The following NPC1 variants were observed in gnomAD, a reference collection of about 807,000 sequenced individuals.
NPC1 encodes NPC intracellular cholesterol transporter 1, also known as Niemann-Pick C1 protein.
In NPC1, 85 loss-of-function variants were observed where a neutral mutation model predicts 140.4. The ratio of observed to expected loss-of-function variants is 0.61; its 90% CI spans 0.51 to 0.72. NPC1 has a LOEUF of 0.72. Ranked by LOEUF, NPC1 falls within the 30% of genes least tolerant of loss-of-function variation. NPC1 has a pLI of 0.00. For missense variants in NPC1, 1,504 were observed against 1,623.8 expected, an observed-to-expected ratio of 0.93 and a Z score of 1.27; for synonymous variants, 656 against 624.8, an observed-to-expected ratio of 1.05 and a Z score of -0.74.
At chr18:23,583,357 G>C (rs1483251113) in intron 1 of NPC1, among the ~76,000 whole-genome samples, 1 of 152,088 alleles carries the variant, frequency 6.6e-6, no homozygotes, top group Non-Finnish European at 1.5e-5. Flanking sequence ...CCCACACCAA[G>C]GTCTTTTAAT....
At position 23,531,486 on chromosome 18, in the gene NPC1, G is replaced by A; in HGVS notation, c.*716C>T. ...GTATTTGTCTCTCAAAGCAGATAGG[G>A]TAACCCCAAAACTTAGGAAAACAAT... is the stretch of plus-strand genomic sequence containing the variant. On this transcript the variant is annotated 3_prime_UTR_variant, in exon 25 of 25. Transcript: ENST00000269228. 6.9e-7 allele frequency: 1 copy of A among 1,449,864 alleles called. No homozygotes were observed. The highest frequency in any genetic ancestry group is 9.0e-7 in the Non-Finnish European group (1 of 1,106,678). The allele number at this position is 1,449,864 out of a possible 1,614,324, so 89.8% of individuals were successfully genotyped here. A position where few individuals can be genotyped will look rare whatever the true frequency, so the allele number is the denominator to read the frequency against.
At chr18:23,543,676 C>G in intron 13 of NPC1, 107 bp from the exon 14 acceptor site, 2 of 707,968 alleles carry the variant, frequency 2.8e-6, no homozygotes, top group Non-Finnish European at 4.9e-6. Context: ...GATTAGTAGA[C>G]GATTAGCAGT....
chr18:23,570,235 A>G (rs999055977), intron 3 of NPC1, among the ~76,000 whole-genome samples: 4 of 152,264 alleles, frequency 2.6e-5, no homozygotes, highest in Non-Finnish European at 1.5e-5. Flanking sequence ...TGACAGCTGT[A>G]TATTTTTCCA....
chr18:23,519,867 A>T (rs1652340), downstream of NPC1, among the ~76,000 whole-genome samples: 2 of 151,872 alleles, frequency 1.3e-5, no homozygotes, highest in African/African-American at 4.8e-5. Flanking sequence ...GAAGCTGCTT[A>T]CCTCCTCTAC....
At chr18:23,529,147 G>A (rs375437445), downstream of NPC1, 120 of 1,600,296 alleles carry the variant, frequency 7.5e-5, 1 homozygote, top group Non-Finnish European at 8.7e-5. Flanking sequence ...CTAAGATGCC[G>A]AAGATCATAG....
chr18:23,578,628 C>T (rs1231842679), intron 1 of NPC1, among the ~76,000 whole-genome samples: 1 of 152,198 alleles, frequency 6.6e-6, no homozygotes, highest in East Asian at 1.9e-4. Flanking sequence ...CTCTCTCAGT[C>T]CCTTCACCTG....
downstream of NPC1, chr18:23,519,188 G>A (rs745865912): frequency 4.4e-6 from 7 of 1,606,864 alleles, no homozygotes; most frequent in Non-Finnish European, 6.0e-6. Flanking sequence ...CAAGCTGTCT[G>A]CGTTTCTACC....
intron 9 of NPC1, among the ~76,000 whole-genome samples, chr18:23,553,731 G>T (rs1220523004): frequency 6.6e-6 from 1 of 152,148 alleles, no homozygotes; most frequent in African/African-American, 2.4e-5. Context: ...TCCCCTACTG[G>T]GAGAAGCCTT....
downstream of NPC1, chr18:23,528,356 G>A (rs2058370068): frequency 6.4e-6 from 1 of 156,768 alleles, no homozygotes; most frequent in Non-Finnish European, 1.4e-5. Flanking sequence ...CACTTAGCAG[G>A]CGTGTTTGTA....
chr18:23,526,783 C>T (rs1442760779), downstream of NPC1: 6 of 1,612,264 alleles, frequency 3.7e-6, no homozygotes, highest in Non-Finnish European at 5.1e-6. Flanking sequence ...GAATCCTTCC[C>T]CCTTGCTCTG....
chr18:23,520,023 A>G (rs2058101495), downstream of NPC1, among the ~76,000 whole-genome samples: 1 of 152,226 alleles, frequency 6.6e-6, no homozygotes, highest in African/African-American at 2.4e-5. Context: ...GGAGATAAAA[A>G]TATTAAAAGA....
chr18:23,517,436 C>G (rs1176329323), downstream of NPC1, among the ~76,000 whole-genome samples: 8 of 152,216 alleles, frequency 5.3e-5, no homozygotes, highest in Admixed American at 5.2e-4. Flanking sequence ...GCGTGAGCCA[C>G]CACGCCTGGC....
chr18:23,531,359 G>A, downstream of NPC1: 2 of 466,354 alleles, frequency 4.3e-6, no homozygotes, highest in African/African-American at 3.9e-5. Context: ...GGAAGGATCA[G>A]GGCTGTCTAA....
At chr18:23,538,237 C>T (rs568742034) in intron 20 of NPC1, among the ~76,000 whole-genome samples, 1 of 152,304 alleles carries the variant, frequency 6.6e-6, no homozygotes, top group South Asian at 2.1e-4. Context: ...ACCAGCAGGC[C>T]GTCCTCTCCC....
At chr18:23,529,151 A>G (rs2058402653), downstream of NPC1, 1 of 1,603,518 alleles carries the variant, frequency 6.2e-7, no homozygotes, top group Non-Finnish European at 8.5e-7. Context: ...GATGCCGAAG[A>G]TCATAGTTTG....
intron 7 of NPC1, 32 bp downstream of exon 7, chr18:23,557,085 G>A (rs1382019181): frequency 1.3e-6 from 2 of 1,544,978 alleles, no homozygotes; most frequent in African/African-American, 1.4e-5. Flanking sequence ...AGCATCATCT[G>A]AACCCTTTTA....
intron 3 of NPC1, among the ~76,000 whole-genome samples, chr18:23,512,163 G>A (rs902524871): frequency 5.9e-5 from 9 of 151,944 alleles, no homozygotes; most frequent in Non-Finnish European, 1.0e-4. Context: ...TGGGTCTACA[G>A]GCGCCCAGCA....
chr18:23,526,576 C>T, downstream of NPC1: 2 of 1,585,410 alleles, frequency 1.3e-6, no homozygotes, highest in South Asian at 2.3e-5. Context: ...AGGGGAACCA[C>T]TTTTGGGCTT....
At chr18:23,555,808 A>C (rs965129239) in intron 8 of NPC1, among the ~76,000 whole-genome samples, 1 of 152,154 alleles carries the variant, frequency 6.6e-6, no homozygotes, top group African/African-American at 2.4e-5. Flanking sequence ...CAGGGATGGT[A>C]ATCTGGCAGC....
Sources: gnomAD v4.1 joint callset for allele counts (sites outside exome capture counted in the v4.1 genomes callset) on GRCh38, gnomAD v4.1.1 for gene constraint, MANE v1.5 for transcripts, NCBI Gene and HGNC (gene_info 2026-07-23, HGNC 2026-07-21) for gene names.